Variants in TXNDC8 observed in about 807,000 individuals in gnomAD.
TXNDC8 encodes the protein thioredoxin domain-containing protein 8.
In TXNDC8, 15 loss-of-function variants were observed where a neutral mutation model predicts 12.9. That is an observed-to-expected ratio of 1.16 (90% CI 0.78 to 1.79). The LOEUF (loss-of-function observed/expected upper bound fraction) is 1.79, where lower values mean the gene tolerates loss of function less well. Ranked by LOEUF, TXNDC8 falls within the 40% of genes most tolerant of loss-of-function variation. TXNDC8 has a pLI of 0.00. For synonymous variants in TXNDC8, 40 were observed against 35.4 expected (o/e 1.13, Z -0.46); for missense variants, 128 against 113.2 (o/e 1.13, Z -0.59).
chr9:110,335,327 C>T (rs1039718403), intron 1 of TXNDC8, among the ~76,000 whole-genome samples: 2 of 152,126 alleles, frequency 1.3e-5, no homozygotes, highest in Admixed American at 6.6e-5. Context: ...GACTCTGCCT[C>T]CCGGACTCAA....
chr9:110,329,512 T>C (rs1839471989), intron 2 of TXNDC8, among the ~76,000 whole-genome samples: 1 of 151,982 alleles, frequency 6.6e-6, no homozygotes, highest in African/African-American at 2.4e-5. Flanking sequence ...AGAAGCAGAG[T>C]CAAAGAACCA....
rs191082137 is a variant in TXNDC8, at chr9:110,328,168, G to A, written c.130-1928C>T. Among the ~76,000 whole-genome samples the A allele has an allele frequency of 4.6e-5, 7 of 152,260 alleles. No individual in the cohort carries two copies. The East Asian group carries it at 1.3e-3, about 29-fold the overall frequency. On this transcript the variant is annotated intron_variant, in intron 2 of 4. Transcript: ENST00000423740. The stretch of plus-strand genomic sequence containing the variant: ...ATAATGGGTCATAAAATCATTAAAG[G>A]GCAGAATGGTAGATATCACTTTTTT...
At chr9:110,326,054 T>C (rs920011061) in intron 3 of TXNDC8, 121 bp downstream of exon 4, 30 of 940,340 alleles carry the variant, frequency 3.2e-5, no homozygotes, top group Middle Eastern at 2.9e-4. Context: ...TAGAGAATTA[T>C]ATTGGTAAGC....
intron 3 of TXNDC8, among the ~76,000 whole-genome samples, chr9:110,307,959 A>AAT (rs975854282): frequency 1.4e-4 from 21 of 152,304 alleles, no homozygotes; most frequent in African/African-American, 4.6e-4. Flanking sequence ...ACCTTGGCAA[A>AAT]ATAAACTTTC....
chr9:110,305,076 A>G (rs956585657), intron 3 of TXNDC8, among the ~76,000 whole-genome samples: 2 of 132,972 alleles, frequency 1.5e-5, no homozygotes, highest in East Asian at 5.3e-4. Context: ...TGAACCCAGG[A>G]GGTGGAGGTT....
At chr9:110,337,335 G>A (rs921209267) in intron 1 of TXNDC8, among the ~76,000 whole-genome samples, 6 of 152,188 alleles carry the variant, frequency 3.9e-5, no homozygotes, top group Non-Finnish European at 7.3e-5. Context: ...TAGATTTGTT[G>A]TGACAGCAAC....
At chr9:110,320,859 C>G (rs954713970) in intron 3 of TXNDC8, among the ~76,000 whole-genome samples, 7 of 152,278 alleles carry the variant, frequency 4.6e-5, no homozygotes, top group East Asian at 1.9e-4. Flanking sequence ...GTGTGATGTC[C>G]TAGATGAAAA....
At chr9:110,308,798 A>C (rs1454907948) in intron 3 of TXNDC8, among the ~76,000 whole-genome samples, 1 of 152,244 alleles carries the variant, frequency 6.6e-6, no homozygotes, top group Admixed American at 6.5e-5. Flanking sequence ...AATTCAGAGC[A>C]AAGGTGCCAC....
At chr9:110,324,265 G>C (rs1415285706) in intron 3 of TXNDC8, among the ~76,000 whole-genome samples, 1 of 152,154 alleles carries the variant, frequency 6.6e-6, no homozygotes, top group African/African-American at 2.4e-5. Context: ...ATGATATGTA[G>C]ACAATTGGAC....
intron 3 of TXNDC8, among the ~76,000 whole-genome samples, chr9:110,319,511 C>G (rs148575172): frequency 4.6e-5 from 7 of 152,154 alleles, no homozygotes; most frequent in Non-Finnish European, 8.8e-5. Flanking sequence ...CCTCATTTTA[C>G]AGAGAAGGAA....
At chr9:110,323,113 C>G in intron 3 of TXNDC8, 1 of 985,246 alleles carries the variant, frequency 1.0e-6, no homozygotes, top group Non-Finnish European at 1.2e-6. Context: ...ATACAGGGAG[C>G]TGTGCACAAA....
chr9:110,326,344 G>C, intron 2 of TXNDC8, 104 bp from the exon 4 acceptor site: 1 of 1,117,330 alleles, frequency 8.9e-7, no homozygotes, highest in Non-Finnish European at 1.4e-6. Context: ...GAAATTCCAA[G>C]GACACCTGAC....
chr9:110,334,790 T>C (rs1839684308), intron 1 of TXNDC8, among the ~76,000 whole-genome samples: 1 of 152,148 alleles, frequency 6.6e-6, no homozygotes, highest in African/African-American at 2.4e-5. Flanking sequence ...TGGATATCTA[T>C]AATACTGGAT....
At chr9:110,323,726 C>T (rs1839198427) in intron 3 of TXNDC8, 4 of 875,128 alleles carry the variant, frequency 4.6e-6, no homozygotes, top group South Asian at 3.6e-5. Flanking sequence ...ATTCAGGGTG[C>T]AGTCAATGCC....
chr9:110,325,513 CTTTT>C lies in TXNDC8; in HGVS notation c.195+658_195+661del, dbSNP rs201113003. 2.3e-3 allele frequency among the ~76,000 whole-genome samples: 275 copies of C among 117,552 alleles called. 1 individual carries two copies. Among genetic ancestry groups the C allele is most frequent in the African/African-American group, 8.8e-3 (248 of 28,096 alleles). 77.1% of individuals were successfully genotyped at this position (117,552 alleles called of 152,430 possible). ...CAAGTATTGTTTAAACTTGTATACA[CTTTT>C]TTTTTTTTTTTTTTTTTGAGACGGA... On this transcript the variant is annotated intron_variant, in intron 3 of 4. Transcript: ENST00000423740.
At chr9:110,311,201 T>C (rs1838650043) in intron 3 of TXNDC8, among the ~76,000 whole-genome samples, 1 of 152,114 alleles carries the variant, frequency 6.6e-6, no homozygotes, top group Non-Finnish European at 1.5e-5. Context: ...TAAATGATTA[T>C]TATCACAGTT....
intron 2 of TXNDC8, among the ~76,000 whole-genome samples, chr9:110,327,324 ATATT>A (rs1839364708): frequency 8.3e-6 from 1 of 120,854 alleles, no homozygotes; most frequent in African/African-American, 2.6e-5. Flanking sequence ...TTTATACTAT[ATATT>A]TTTTTTTTTT....
chr9:110,324,016 G>A (rs1184519425), intron 3 of TXNDC8: 1 of 1,548,488 alleles, frequency 6.5e-7, no homozygotes, highest in Admixed American at 2.0e-5. Flanking sequence ...GGAAGTACAT[G>A]GGATAAGAAT....
At chr9:110,331,642 C>G (rs894910969) in intron 2 of TXNDC8, among the ~76,000 whole-genome samples, 6 of 151,984 alleles carry the variant, frequency 3.9e-5, no homozygotes, top group Non-Finnish European at 5.9e-5. Context: ...ATTTTTTTCC[C>G]CAGACTGGGG....
Sources: allele counts gnomAD v4.1 joint callset (sites outside exome capture counted in the v4.1 genomes callset), GRCh38; gene constraint gnomAD v4.1.1; transcripts MANE v1.5; gene names NCBI Gene and HGNC (gene_info 2026-07-23, HGNC 2026-07-21).